ST8SIA5: variants seen among roughly 807,000 people sequenced by gnomAD.
The protein encoded by ST8SIA5 is alpha-2,8-sialyltransferase 8E.
A neutral mutation model predicts 40.2 loss-of-function variants in ST8SIA5; 24 were observed. That is an observed-to-expected ratio of 0.60 (90% CI 0.43 to 0.84). The LOEUF is 0.84. ST8SIA5 is among the 40% of genes least tolerant of loss of function. The pLI, the probability that ST8SIA5 is intolerant of heterozygous loss-of-function variation, is 0.00. For missense variants in ST8SIA5, 465 were observed against 498.5 expected (o/e 0.93, Z 0.64); for synonymous variants, 198 against 201.8 (o/e 0.98, Z 0.16).
intron 3 of ST8SIA5, chr18:46,691,526 T>C (rs1324307599): frequency 1.3e-5 from 2 of 152,680 alleles, no homozygotes; most frequent in Non-Finnish European, 2.9e-5. Context: ...CCCATAAGCT[T>C]ACAGAACTTT....
chr18:46,707,599 T>G (rs1321492542), intron 1 of ST8SIA5, among the ~76,000 whole-genome samples: 1 of 152,210 alleles, frequency 6.6e-6, no homozygotes. Flanking sequence ...GTAGAGAGGC[T>G]TTCAGAACTG....
Position 46,756,826 on chromosome 18 carries a change from C to T in ST8SIA5, c.-318G>A, listed in dbSNP as rs972629025. 3 of 298,642 alleles carry T rather than the reference C, an allele frequency of 1.0e-5. No individual in the cohort carries two copies. Among genetic ancestry groups the T allele is most frequent in the African/African-American group, 2.2e-5 (1 of 44,614 alleles). The allele number at this position is 298,642 out of a possible 1,614,324, so 18.5% of individuals were successfully genotyped here. On this transcript the variant is annotated 5_prime_UTR_variant, in exon 1 of 7. Coordinates refer to ENST00000315087, the MANE Select transcript of ST8SIA5 (RefSeq NM_013305.6). The stretch of plus-strand genomic sequence containing the variant: ...CGCCGATTTCCCCGCGGAGGGGAGA[C>T]GCCAGGTGCCACGAGCCGGAGGCGG...
intron 1 of ST8SIA5, among the ~76,000 whole-genome samples, chr18:46,707,781 G>C (rs1369611239): frequency 6.6e-6 from 1 of 152,224 alleles, no homozygotes; most frequent in African/African-American, 2.4e-5. Flanking sequence ...CCTTACAAAA[G>C]AGGCCCAAGA....
chr18:46,696,235 A>G (rs2039555929), intron 2 of ST8SIA5, among the ~76,000 whole-genome samples: 1 of 151,902 alleles, frequency 6.6e-6, no homozygotes, highest in African/African-American at 2.4e-5. Context: ...GCTTTCCCAA[A>G]CCTCCCCTCT....
chr18:46,726,561 G>A (rs990415950), intron 1 of ST8SIA5, among the ~76,000 whole-genome samples: 1 of 146,638 alleles, frequency 6.8e-6, no homozygotes, highest in Non-Finnish European at 1.5e-5. Context: ...CTGCATGAAT[G>A]TTTGTTATAT....
chr18:46,686,644 G>A (rs909518924), intron 4 of ST8SIA5, among the ~76,000 whole-genome samples: 1 of 152,076 alleles, frequency 6.6e-6, no homozygotes, highest in African/African-American at 2.4e-5. Flanking sequence ...TGCTGCCCTG[G>A]GGCCATCAGG....
At chr18:46,742,081 C>A (rs2040091404) in intron 1 of ST8SIA5, among the ~76,000 whole-genome samples, 2 of 151,444 alleles carry the variant, frequency 1.3e-5, no homozygotes, top group African/African-American at 2.4e-5. Context: ...AGCCTGGGTG[C>A]CAGAGCGACG....
intron 1 of ST8SIA5, among the ~76,000 whole-genome samples, chr18:46,705,921 G>A (rs189982557): frequency 3.3e-5 from 5 of 152,306 alleles, no homozygotes; most frequent in South Asian, 4.1e-4. Flanking sequence ...TGGTCATTTC[G>A]CACGTACCCT....
At chr18:46,730,101 A>C in intron 1 of ST8SIA5, 1 of 912,172 alleles carries the variant, frequency 1.1e-6, no homozygotes, top group South Asian at 5.0e-5. Context: ...CCTCTCCATC[A>C]GTCACAAACC....
At chr18:46,695,520 G>T (rs186773953) in intron 2 of ST8SIA5, among the ~76,000 whole-genome samples, 186 of 152,296 alleles carry the variant, frequency 1.2e-3, no homozygotes, top group African/African-American at 4.1e-3. Context: ...TAAATAGGAT[G>T]ATGTGATAAA....
chr18:46,750,860 A>G (rs545211522), intron 1 of ST8SIA5, among the ~76,000 whole-genome samples: 4 of 152,240 alleles, frequency 2.6e-5, no homozygotes, highest in African/African-American at 9.6e-5. Flanking sequence ...GACTCATCCA[A>G]TCCCATTGCT....
chr18:46,732,864 T>TG (rs1242731060), intron 1 of ST8SIA5, among the ~76,000 whole-genome samples: 1 of 137,864 alleles, frequency 7.3e-6, no homozygotes, highest in Non-Finnish European at 1.5e-5. Flanking sequence ...CTGGGGGAGG[T>TG]GGGGGGCCAG....
chr18:46,721,334 C>G, intron 1 of ST8SIA5: 1 of 1,532,826 alleles, frequency 6.5e-7, no homozygotes. Context: ...GCTTCCCCCA[C>G]TCCCTGGCCT....
chr18:46,743,830 C>A (rs1192025249), intron 1 of ST8SIA5, among the ~76,000 whole-genome samples: 1 of 152,138 alleles, frequency 6.6e-6, no homozygotes, highest in Non-Finnish European at 1.5e-5. Flanking sequence ...GTCGGGTTAC[C>A]CACAAAGGGA....
intron 1 of ST8SIA5, among the ~76,000 whole-genome samples, chr18:46,753,416 C>CA (rs765658508): frequency 8.6e-5 from 13 of 151,882 alleles, no homozygotes; most frequent in Non-Finnish European, 1.9e-4. Context: ...ACTAAAAATA[C>CA]AAAAAATTAG....
At chr18:46,724,465 C>T (rs1420651264) in intron 1 of ST8SIA5, among the ~76,000 whole-genome samples, 4 of 152,276 alleles carry the variant, frequency 2.6e-5, no homozygotes, top group African/African-American at 4.8e-5. Context: ...ATTCAAAACA[C>T]AGAAGGGCTC....
intron 2 of ST8SIA5, among the ~76,000 whole-genome samples, chr18:46,699,799 G>A (rs649806): frequency 3.9e-5 from 6 of 152,134 alleles, no homozygotes; most frequent in African/African-American, 7.2e-5. Context: ...CAGAGATGCC[G>A]AAGCCTGGGT....
intron 1 of ST8SIA5, among the ~76,000 whole-genome samples, chr18:46,732,243 A>G (rs1448387699): frequency 6.6e-6 from 1 of 152,208 alleles, no homozygotes; most frequent in African/African-American, 2.4e-5. Flanking sequence ...GGAGAGAGGT[A>G]GAGTGCACCA....
intron 1 of ST8SIA5, among the ~76,000 whole-genome samples, chr18:46,749,248 A>G (rs2040172583): frequency 6.6e-6 from 1 of 152,248 alleles, no homozygotes; most frequent in African/African-American, 2.4e-5. Flanking sequence ...TAAGGGGTAC[A>G]GGATTTCTTT....
Sources: gnomAD v4.1 joint callset for allele counts (sites outside exome capture counted in the v4.1 genomes callset) on GRCh38, gnomAD v4.1.1 for gene constraint, MANE v1.5 for transcripts, NCBI Gene and HGNC (gene_info 2026-07-23, HGNC 2026-07-21) for gene names.